NR6A1: variants seen among roughly 807,000 people sequenced by gnomAD.
The protein encoded by NR6A1 is retinoic acid receptor-related testis-associated receptor.
NR6A1 carries 7 observed loss-of-function variants against 59.1 expected under a neutral mutation model. The observed-to-expected ratio is 0.12, with a 90% confidence interval of 0.07 to 0.22. The LOEUF is 0.22. NR6A1 is among the 10% of genes least tolerant of loss of function. The pLI is 1.00. For synonymous variants in NR6A1, 243 were observed against 236.1 expected (o/e 1.03, Z -0.27); for missense variants, 468 against 611.6 (o/e 0.77, Z 2.48).
At chr9:124,555,563 C>A (rs971648230) in intron 2 of NR6A1, among the ~76,000 whole-genome samples, 2 of 152,194 alleles carry the variant, frequency 1.3e-5, no homozygotes, top group Admixed American at 1.3e-4. Context: ...CTGCAGTGAG[C>A]TATGATTGCA....
intron 2 of NR6A1, among the ~76,000 whole-genome samples, chr9:124,657,159 C>G (rs915622564): frequency 1.3e-5 from 2 of 152,130 alleles, no homozygotes; most frequent in African/African-American, 2.4e-5. Context: ...TTCGAACATT[C>G]TTATATCTAA....
At chr9:124,534,992 C>T (rs539417924) in intron 7 of NR6A1, among the ~76,000 whole-genome samples, 39 of 152,174 alleles carry the variant, frequency 2.6e-4, no homozygotes, top group African/African-American at 8.9e-4. Flanking sequence ...GGCGTGGTGG[C>T]GGGCCCCTAT....
chr9:124,531,801 C>T (rs1334157904), intron 7 of NR6A1, among the ~76,000 whole-genome samples: 10 of 152,198 alleles, frequency 6.6e-5, no homozygotes, highest in South Asian at 2.1e-4. Context: ...ATTTTCCACT[C>T]GCTGAAGTCC....
chr9:124,741,894 T>C (rs973844737), intron 1 of NR6A1, among the ~76,000 whole-genome samples: 1 of 152,136 alleles, frequency 6.6e-6, no homozygotes, highest in Non-Finnish European at 1.5e-5. Context: ...AAGTGCTCGG[T>C]AGCCATGATC....
intron 2 of NR6A1, among the ~76,000 whole-genome samples, chr9:124,565,832 C>A (rs1834225615): frequency 6.6e-6 from 1 of 152,148 alleles, no homozygotes. Context: ...GTTATGATGG[C>A]AATGTAGAAA....
intron 7 of NR6A1, among the ~76,000 whole-genome samples, chr9:124,531,091 T>C (rs1300900195): frequency 6.6e-6 from 1 of 152,210 alleles, no homozygotes; most frequent in Non-Finnish European, 1.5e-5. Context: ...TCATCATCTC[T>C]CTCCCATTAT....
chr9:124,674,624 C>T (rs1837897990), intron 2 of NR6A1, among the ~76,000 whole-genome samples: 1 of 152,118 alleles, frequency 6.6e-6, no homozygotes, highest in African/African-American at 2.4e-5. Context: ...AACAGAGGTA[C>T]ACATGCTTTG....
intron 1 of NR6A1, among the ~76,000 whole-genome samples, chr9:124,769,012 A>G (rs1210600878): frequency 6.6e-6 from 1 of 152,230 alleles, no homozygotes; most frequent in Non-Finnish European, 1.5e-5. Flanking sequence ...ATCAGGATTT[A>G]CAACACTCAC....
At chr9:124,539,926 C>A in intron 5 of NR6A1, 107 bp downstream of exon 5, 6 of 1,315,978 alleles carry the variant, frequency 4.6e-6, no homozygotes, top group Non-Finnish European at 6.2e-6. Flanking sequence ...AGCAACAGTA[C>A]AATGGCTGAG....
At chr9:124,642,284 G>A (rs959032201) in intron 2 of NR6A1, among the ~76,000 whole-genome samples, 3 of 152,038 alleles carry the variant, frequency 2.0e-5, no homozygotes, top group African/African-American at 7.2e-5. Context: ...TCCTGACCTC[G>A]GGTGATCCGC....
At chr9:124,535,226 T>C (rs1833220045) in intron 7 of NR6A1, among the ~76,000 whole-genome samples, 1 of 152,186 alleles carries the variant, frequency 6.6e-6, no homozygotes, top group South Asian at 2.1e-4. Flanking sequence ...CTCTCTTGCC[T>C]TGTAGGCAGA....
chr9:124,538,595 T>C (rs1833352548), intron 5 of NR6A1, among the ~76,000 whole-genome samples: 2 of 152,190 alleles, frequency 1.3e-5, no homozygotes, highest in Non-Finnish European at 2.9e-5. Context: ...ATGAATTCTT[T>C]GTATAGGTGC....
At position 124,672,148 on chromosome 9, in the gene NR6A1, C is replaced by T. The variant is rs55878007; in HGVS notation, c.142+61160G>A. Among the ~76,000 whole-genome samples the T allele has an allele frequency of 1.1e-4, 16 of 152,292 alleles. No individual in the cohort carries two copies. The East Asian group carries it at 3.1e-3, about 29-fold the overall frequency. On this transcript the variant is annotated intron_variant, in intron 2 of 9. Coordinates refer to ENST00000487099, the MANE Select transcript of NR6A1 (RefSeq NM_033334.4). Reference sequence around the variant, plus strand: ...ATGTTGTGATGGTGTGCCCTTATTACTACTGTGCAGTATTCCGTTATATGT... The same window carrying T: ...ATGTTGTGATGGTGTGCCCTTATTATTACTGTGCAGTATTCCGTTATATGT...
chr9:124,719,791 G>A (rs114225153), intron 2 of NR6A1, among the ~76,000 whole-genome samples: 254 of 152,046 alleles, frequency 1.7e-3, no homozygotes, highest in African/African-American at 5.9e-3. Context: ...GCGGTAATGC[G>A]CGCCTATAGT....
chr9:124,591,333 C>T (rs1835118221), intron 2 of NR6A1, among the ~76,000 whole-genome samples: 1 of 152,208 alleles, frequency 6.6e-6, no homozygotes, highest in Admixed American at 6.5e-5. Context: ...TTACTATCCT[C>T]TGTTGCATAT....
intron 1 of NR6A1, among the ~76,000 whole-genome samples, chr9:124,750,543 G>A (rs375231542): frequency 7.2e-5 from 11 of 152,210 alleles, no homozygotes; most frequent in Middle Eastern, 3.4e-3. Flanking sequence ...GGCGGATCAC[G>A]AGGTCAGGAG....
intron 2 of NR6A1, among the ~76,000 whole-genome samples, chr9:124,671,192 A>G (rs1274717137): frequency 2.6e-5 from 4 of 152,220 alleles, no homozygotes; most frequent in African/African-American, 9.7e-5. Flanking sequence ...TTGCACAACA[A>G]AGTGAATATA....
intron 2 of NR6A1, among the ~76,000 whole-genome samples, chr9:124,645,244 G>T (rs1393832254): frequency 2.0e-5 from 3 of 152,078 alleles, no homozygotes; most frequent in African/African-American, 7.2e-5. Context: ...GAGAAAAAGA[G>T]AACAAGGACA....
In NR6A1 at chr9:124,690,204, T is replaced by C. The variant is rs1382261194; in HGVS notation, c.142+43104A>G. Among the ~76,000 whole-genome samples the C allele has an allele frequency of 2.0e-5, 3 of 152,218 alleles. No homozygotes were observed. The East Asian group carries it at 5.8e-4, about 29-fold the overall frequency. On this transcript the variant is annotated intron_variant, in intron 2 of 9. Transcript: ENST00000487099. ...AGACGATGACTCCTCTTCTATTAGC[T>C]ACTAATCACTCAATTTTAGTTATGT...
Sources: gnomAD v4.1 joint callset for allele counts (sites outside exome capture counted in the v4.1 genomes callset) on GRCh38, gnomAD v4.1.1 for gene constraint, MANE v1.5 for transcripts, NCBI Gene and HGNC (gene_info 2026-07-23, HGNC 2026-07-21) for gene names.